The following SGCZ variants were observed in gnomAD, a reference collection of about 807,000 sequenced individuals.
SGCZ encodes sarcoglycan zeta.
SGCZ carries 40 observed loss-of-function variants against 41.3 expected under a neutral mutation model. That is an observed-to-expected ratio of 0.97 (90% CI 0.75 to 1.26). The LOEUF (loss-of-function observed/expected upper bound fraction) is 1.26, where lower values mean the gene tolerates loss of function less well. Ranked by LOEUF, SGCZ falls within the 50% of genes most tolerant of loss-of-function variation. The pLI is 0.00. For missense variants in SGCZ, 552 were observed against 369.8 expected, an observed-to-expected ratio of 1.49 and a Z score of -4.04; for synonymous variants, 206 against 137.5, an observed-to-expected ratio of 1.50 and a Z score of -3.49.
chr8:15,229,348 G>T (rs920971786), intron 1 of SGCZ, among the ~76,000 whole-genome samples: 4 of 152,098 alleles, frequency 2.6e-5, no homozygotes, highest in Non-Finnish European at 5.9e-5. Flanking sequence ...CTTTATGAAA[G>T]CATAATAATA....
chr8:15,177,387 G>C (rs1165233460), intron 1 of SGCZ, among the ~76,000 whole-genome samples: 2 of 152,146 alleles, frequency 1.3e-5, no homozygotes, highest in South Asian at 2.1e-4. Flanking sequence ...AAGGAGCTGA[G>C]GCCTTACCTC....
chr8:14,910,050 A>G (rs531169485), intron 1 of SGCZ, among the ~76,000 whole-genome samples: 4 of 152,234 alleles, frequency 2.6e-5, no homozygotes, highest in African/African-American at 9.6e-5. Context: ...TGCTTTAATA[A>G]GAAGCTGTCT....
chr8:14,261,716 A>T (rs1799674628), intron 3 of SGCZ, among the ~76,000 whole-genome samples: 1 of 152,182 alleles, frequency 6.6e-6, no homozygotes, highest in African/African-American at 2.4e-5. Context: ...TGATCAAACC[A>T]TTCTCACGCT....
At chr8:14,293,044 C>T (rs1393084798) in intron 3 of SGCZ, among the ~76,000 whole-genome samples, 4 of 151,846 alleles carry the variant, frequency 2.6e-5, no homozygotes, top group Non-Finnish European at 2.9e-5. Context: ...AAAATAAATA[C>T]GGTGATTAAC....
At chr8:14,854,021 T>TTATATATATATATATATATATATATATA (rs10604213) in intron 1 of SGCZ, among the ~76,000 whole-genome samples, 1 of 107,672 alleles carries the variant, frequency 9.3e-6, no homozygotes, top group Non-Finnish European at 2.0e-5. Context: ...TGTGATTATA[T>TTATATATATATATATATATATATATATA]TATATATATA....
intron 1 of SGCZ, among the ~76,000 whole-genome samples, chr8:14,701,814 A>C (rs942567687): frequency 2.0e-5 from 3 of 151,798 alleles, no homozygotes; most frequent in Non-Finnish European, 4.4e-5. Context: ...TGACCCACCC[A>C]AGCAAGATTT....
chr8:15,090,337 A>T (rs1806111834), intron 1 of SGCZ, among the ~76,000 whole-genome samples: 1 of 152,220 alleles, frequency 6.6e-6, no homozygotes, highest in Non-Finnish European at 1.5e-5. Flanking sequence ...TTTGACTTAA[A>T]TCATCCTGAA....
chr8:14,355,564 G>A (rs572517148), intron 2 of SGCZ, among the ~76,000 whole-genome samples: 36 of 151,798 alleles, frequency 2.4e-4, no homozygotes, highest in African/African-American at 7.5e-4. Context: ...CAATAATAAC[G>A]TATATGCTCA....
In SGCZ at chr8:14,702,033, C is replaced by A. The variant is rs529651084; in HGVS notation, c.40-147107G>T. Among the ~76,000 whole-genome samples the A allele has an allele frequency of 3.3e-5, 5 of 152,012 alleles. No individual in the cohort carries two copies. The South Asian group carries it at 1.0e-3, about 32-fold the overall frequency. On this transcript the variant is annotated intron_variant, in intron 1 of 7. Transcript: ENST00000382080. ...CACGCACTGGCACTGTCTCCACCTT[C>A]TTCAGTCTCATTCAAAATTCTCCCA...
chr8:14,399,973 G>T (rs1799026691), intron 2 of SGCZ, among the ~76,000 whole-genome samples: 1 of 151,964 alleles, frequency 6.6e-6, no homozygotes, highest in Admixed American at 6.6e-5. Flanking sequence ...GAAAGCCTGT[G>T]CTCATTAGCT....
At chr8:14,210,234 T>C (rs2117093282) in intron 4 of SGCZ, among the ~76,000 whole-genome samples, 1 of 152,176 alleles carries the variant, frequency 6.6e-6, no homozygotes, top group South Asian at 2.1e-4. Context: ...AATTTTTGCA[T>C]TTTTAGTAGG....
chr8:14,626,501 C>T (rs932227818), intron 1 of SGCZ, among the ~76,000 whole-genome samples: 1 of 152,080 alleles, frequency 6.6e-6, no homozygotes, highest in Non-Finnish European at 1.5e-5. Context: ...AACCCTAGTT[C>T]TTCAGATTGT....
intron 1 of SGCZ, among the ~76,000 whole-genome samples, chr8:14,901,125 A>G (rs991440630): frequency 2.0e-5 from 3 of 152,230 alleles, no homozygotes; most frequent in Non-Finnish European, 2.9e-5. Flanking sequence ...TCTGGCATAA[A>G]TATCAATCTA....
rs371724714 is a variant in SGCZ, at chr8:14,086,853, C to T, written c.*3590G>A. 6.6e-6 allele frequency among the ~76,000 whole-genome samples: 1 copy of T among 151,726 alleles called. No individual in the cohort carries two copies. The highest frequency in any genetic ancestry group is 1.9e-4 in the East Asian group (1 of 5,136). ...ACAAATGCTAGTTCAGATATGGCTACTTAACCTAAGATTTATGAGTGCTTC... is the reference window on the plus strand; with the variant it reads ...ACAAATGCTAGTTCAGATATGGCTATTTAACCTAAGATTTATGAGTGCTTC... On this transcript the variant is annotated 3_prime_UTR_variant, in exon 8 of 8. Coordinates refer to ENST00000382080, the MANE Select transcript of SGCZ (RefSeq NM_139167.4).
chr8:14,206,511 T>C (rs17278178), intron 4 of SGCZ, among the ~76,000 whole-genome samples: 36,286 of 151,864 alleles, frequency 0.24, 5,563 homozygotes, highest in Non-Finnish European at 0.34. Flanking sequence ...ACAAGGAGAG[T>C]TATAAAACAT....
chr8:15,149,388 C>T (rs1430180161), intron 1 of SGCZ, among the ~76,000 whole-genome samples: 1 of 152,052 alleles, frequency 6.6e-6, no homozygotes. Flanking sequence ...GATGTCCCCA[C>T]CAGATAGGAC....
At chr8:14,383,159 T>A (rs772644918) in intron 2 of SGCZ, among the ~76,000 whole-genome samples, 2 of 152,244 alleles carry the variant, frequency 1.3e-5, no homozygotes, top group Non-Finnish European at 2.9e-5. Flanking sequence ...AAGGCTATGC[T>A]ATAAATCAAG....
chr8:14,520,365 C>A (rs982346985), intron 2 of SGCZ, among the ~76,000 whole-genome samples: 1 of 152,018 alleles, frequency 6.6e-6, no homozygotes, highest in South Asian at 2.1e-4. Context: ...CTCATACCAG[C>A]CCAGTAAAAC....
intron 1 of SGCZ, among the ~76,000 whole-genome samples, chr8:15,149,711 C>CAAA (rs750167614): frequency 7.6e-3 from 428 of 56,500 alleles, no homozygotes; most frequent in Middle Eastern, 0.033. Flanking sequence ...CTATAAACTA[C>CAAA]AAAAAAAAAA....
Sources: allele counts gnomAD v4.1 joint callset (sites outside exome capture counted in the v4.1 genomes callset), GRCh38; gene constraint gnomAD v4.1.1; transcripts MANE v1.5; gene names NCBI Gene and HGNC (gene_info 2026-07-23, HGNC 2026-07-21).